GOLPH3: variants seen among roughly 807,000 people sequenced by gnomAD.
The protein encoded by GOLPH3 is golgi phosphoprotein 3, also known as coat protein GPP34.
In GOLPH3, 14 loss-of-function variants were observed where a neutral mutation model predicts 28.5. That is an observed-to-expected ratio of 0.49 (90% CI 0.32 to 0.77). GOLPH3 has a LOEUF of 0.77. GOLPH3 is among the 30% of genes least tolerant of loss of function. The probability of loss-of-function intolerance (pLI) is 0.03; values close to 1 mark genes in which losing one functional copy is unlikely to be tolerated. For synonymous variants in GOLPH3, 158 were observed against 159.2 expected (o/e 0.99, Z 0.06); for missense variants, 350 against 393.7 (o/e 0.89, Z 0.94).
intron 1 of GOLPH3, among the ~76,000 whole-genome samples, chr5:32,167,735 G>A (rs923977449): frequency 1.3e-5 from 2 of 149,150 alleles, no homozygotes; most frequent in African/African-American, 2.4e-5. Flanking sequence ...AAGATTGCTT[G>A]AGGCCAGGAG....
chr5:32,137,900 G>GTT (rs1249876195), intron 2 of GOLPH3, among the ~76,000 whole-genome samples: 2 of 7,366 alleles, frequency 2.7e-4, no homozygotes, highest in African/African-American at 1.5e-3. Flanking sequence ...TAACATTACG[G>GTT]TTTTTTTTGT....
chr5:32,153,157 TAAGTAA>T lies in GOLPH3; in HGVS notation c.226-9283_226-9278del, dbSNP rs532718059. ...ATACTACAGAACCATAAAATATTTCTAAGTAATAGTGATAGAGAACAATCTTTAGAA... is the reference window on the plus strand; with the variant it reads ...ATACTACAGAACCATAAAATATTTCTTAGTGATAGAGAACAATCTTTAGAA... On this transcript the variant is annotated intron_variant, in intron 1 of 3. Transcript: ENST00000265070. 1.5e-3 allele frequency among the ~76,000 whole-genome samples: 221 copies of T among 152,312 alleles called. 4 individuals carry two copies. In the South Asian group the frequency reaches 0.021, roughly 15 times the overall value.
At chr5:32,146,017 C>T (rs1471033832) in intron 1 of GOLPH3, among the ~76,000 whole-genome samples, 1 of 152,034 alleles carries the variant, frequency 6.6e-6, no homozygotes, top group East Asian at 1.9e-4. Context: ...GGTGGCCAGG[C>T]GCAGTGACAT....
chr5:32,139,972 C>T (rs1425022128), intron 2 of GOLPH3, among the ~76,000 whole-genome samples: 1 of 152,086 alleles, frequency 6.6e-6, no homozygotes, highest in Non-Finnish European at 1.5e-5. Flanking sequence ...GAAGACAACT[C>T]TTTAAGAGTA....
intron 1 of GOLPH3, among the ~76,000 whole-genome samples, chr5:32,158,091 AAAATAAATAAATAAATAAAT>A (rs371590080): frequency 3.5e-4 from 15 of 43,292 alleles, no homozygotes; most frequent in African/African-American, 1.7e-3. Flanking sequence ...ACTCTGTCTC[AAAATAAATAAATAAATAAAT>A]AAATAAATAA....
intron 1 of GOLPH3, among the ~76,000 whole-genome samples, chr5:32,146,399 G>A (rs1012086100): frequency 6.6e-6 from 1 of 152,142 alleles, no homozygotes; most frequent in Admixed American, 6.5e-5. Flanking sequence ...ATAAGGATGG[G>A]AGAGGACAGA....
intron 1 of GOLPH3, among the ~76,000 whole-genome samples, chr5:32,158,028 AC>A (rs1746477997): frequency 1.7e-5 from 2 of 115,252 alleles, no homozygotes; most frequent in South Asian, 5.1e-4. Context: ...TAAAATACAC[AC>A]ACACACACAC....
intron 3 of GOLPH3, among the ~76,000 whole-genome samples, chr5:32,132,164 C>T (rs562656068): frequency 2.4e-4 from 36 of 152,044 alleles, no homozygotes; most frequent in Non-Finnish European, 4.7e-4. Context: ...AAAGACAAAA[C>T]AAAACAAACA....
chr5:32,154,474 T>C (rs1221093847), intron 1 of GOLPH3, among the ~76,000 whole-genome samples: 3 of 152,242 alleles, frequency 2.0e-5, no homozygotes. Flanking sequence ...TATGAAAGTA[T>C]CTCTGGTCTC....
At chr5:32,129,248 T>A (rs917335455) in intron 3 of GOLPH3, among the ~76,000 whole-genome samples, 2 of 152,134 alleles carry the variant, frequency 1.3e-5, no homozygotes, top group Non-Finnish European at 2.9e-5. Context: ...GTGCAAGTCA[T>A]CTTAATCTAT....
At chr5:32,169,795 T>G (rs964717677) in intron 1 of GOLPH3, among the ~76,000 whole-genome samples, 1 of 152,200 alleles carries the variant, frequency 6.6e-6, no homozygotes, top group Non-Finnish European at 1.5e-5. Flanking sequence ...GTGTAAACTA[T>G]CTGCCATCCT....
chr5:32,143,327 G>T (rs1041986662), intron 2 of GOLPH3, among the ~76,000 whole-genome samples: 8 of 151,536 alleles, frequency 5.3e-5, no homozygotes, highest in Non-Finnish European at 8.9e-5. Flanking sequence ...AGGCCGCAGG[G>T]TCCTCTGCCT....
At chr5:32,145,456 C>T (rs1356104401) in intron 1 of GOLPH3, among the ~76,000 whole-genome samples, 4 of 152,060 alleles carry the variant, frequency 2.6e-5, no homozygotes, top group African/African-American at 9.7e-5. Context: ...AAATTAAAGC[C>T]CTAGGAAGCC....
intron 1 of GOLPH3, 128 bp downstream of exon 1, chr5:32,173,682 C>T: frequency 1.7e-6 from 1 of 576,850 alleles, no homozygotes; most frequent in South Asian, 6.6e-5. Flanking sequence ...CGCCACCAGG[C>T]GCGGACTTCG....
At chr5:32,127,114 A>G (rs1745699341) in intron 3 of GOLPH3, among the ~76,000 whole-genome samples, 1 of 152,246 alleles carries the variant, frequency 6.6e-6, no homozygotes, top group Admixed American at 6.5e-5. Context: ...CTATTATTTG[A>G]TAACAATATA....
intron 3 of GOLPH3, among the ~76,000 whole-genome samples, chr5:32,127,784 T>C (rs904968858): frequency 2.0e-5 from 3 of 152,218 alleles, no homozygotes; most frequent in East Asian, 1.9e-4. Flanking sequence ...TAATCATTCC[T>C]AAAGCTGCCC....
intron 3 of GOLPH3, among the ~76,000 whole-genome samples, chr5:32,131,193 C>T (rs1296368802): frequency 6.6e-6 from 1 of 152,194 alleles, no homozygotes; most frequent in African/African-American, 2.4e-5. Context: ...ATAAAGAAAT[C>T]TCACGAGCAG....
chr5:32,162,714 G>A (rs1466031941), intron 1 of GOLPH3, among the ~76,000 whole-genome samples: 1 of 152,228 alleles, frequency 6.6e-6, no homozygotes, highest in African/African-American at 2.4e-5. Flanking sequence ...AGCACCATGT[G>A]GTTTTCAAAG....
chr5:32,154,980 G>C (rs958263761), intron 1 of GOLPH3, among the ~76,000 whole-genome samples: 8 of 151,604 alleles, frequency 5.3e-5, no homozygotes, highest in African/African-American at 1.2e-4. Flanking sequence ...CTACTTGGTA[G>C]GCCAAGACAG....
Sources: gnomAD v4.1 joint callset for allele counts (sites outside exome capture counted in the v4.1 genomes callset) on GRCh38, gnomAD v4.1.1 for gene constraint, MANE v1.5 for transcripts, NCBI Gene and HGNC (gene_info 2026-07-23, HGNC 2026-07-21) for gene names.